SHANK2: variants seen among roughly 807,000 people sequenced by gnomAD.
SHANK2 encodes SH3 and multiple ankyrin repeat domains 2.
A neutral mutation model predicts 133.7 loss-of-function variants in SHANK2; 43 were observed. The ratio of observed to expected loss-of-function variants is 0.32; its 90% CI spans 0.25 to 0.41. SHANK2 has a LOEUF of 0.41. SHANK2 is among the 10% of genes least tolerant of loss of function. The pLI is 1.00. For missense variants in SHANK2, 1,994 were observed against 2,235.8 expected (o/e 0.89, Z 2.18); for synonymous variants, 1,017 against 952.8 (o/e 1.07, Z -1.24).
intron 11 of SHANK2, among the ~76,000 whole-genome samples, chr11:70,883,252 A>G (rs1166293560): frequency 6.6e-6 from 1 of 152,222 alleles, no homozygotes. Flanking sequence ...CACAGGAGCT[A>G]TTTTTGCTGC....
chr11:70,672,813 T>C (rs1944839124), intron 15 of SHANK2, among the ~76,000 whole-genome samples: 1 of 152,202 alleles, frequency 6.6e-6, no homozygotes, highest in Non-Finnish European at 1.5e-5. Context: ...CAGCCTTGGA[T>C]GGTGCCAGCC....
intron 1 of SHANK2, among the ~76,000 whole-genome samples, chr11:71,246,064 C>G (rs534206732): frequency 6.6e-6 from 1 of 152,054 alleles, no homozygotes; most frequent in African/African-American, 2.4e-5. Flanking sequence ...GAAGCATCCC[C>G]CTCCACTCCC....
At chr11:70,833,273 C>G (rs997513395) in intron 11 of SHANK2, among the ~76,000 whole-genome samples, 2 of 150,158 alleles carry the variant, frequency 1.3e-5, no homozygotes, top group Admixed American at 6.6e-5. Flanking sequence ...GACGCCCCGA[C>G]TGGCCACCCC....
chr11:70,872,540 G>A (rs1949485591), intron 11 of SHANK2, among the ~76,000 whole-genome samples: 1 of 151,980 alleles, frequency 6.6e-6, no homozygotes, highest in South Asian at 2.1e-4. Context: ...ACGACCAAGT[G>A]GCTGGATGGA....
At chr11:71,155,111 C>T (rs1359389001) in intron 2 of SHANK2, among the ~76,000 whole-genome samples, 3 of 121,194 alleles carry the variant, frequency 2.5e-5, no homozygotes, top group Non-Finnish European at 3.4e-5. Flanking sequence ...CCCACGCTCC[C>T]GGAGGAGGGG....
rs370821558 is a variant in SHANK2 at position 71,093,849 on chromosome 11, C to T, written c.744+688G>A. On this transcript the variant is annotated intron_variant, in intron 7 of 25. Coordinates refer to ENST00000601538, the MANE Select transcript of SHANK2 (RefSeq NM_012309.5). ...GAGACTTTAGGGACAGCGAGGCCCC[C>T]GTCTTGGGGGTCAACCTGCAGCGGC... 6.6e-5 allele frequency among the ~76,000 whole-genome samples: 10 copies of T among 152,206 alleles called. No individual in the cohort carries two copies. In the East Asian group the frequency reaches 1.2e-3, roughly 18 times the overall value.
chr11:70,625,153 G>C (rs2136479410), intron 17 of SHANK2, among the ~76,000 whole-genome samples: 3 of 152,300 alleles, frequency 2.0e-5, no homozygotes, highest in Middle Eastern at 6.8e-3. Flanking sequence ...GGCGTGGGGG[G>C]CAGAGTCCAG....
chr11:71,206,523 ATCGCACTATTC>A (rs1359605285), intron 2 of SHANK2, among the ~76,000 whole-genome samples: 1 of 152,192 alleles, frequency 6.6e-6, no homozygotes, highest in Non-Finnish European at 1.5e-5. Flanking sequence ...ACGCAGAGAG[ATCGCACTATTC>A]TCATATCCAC....
intron 21 of SHANK2, among the ~76,000 whole-genome samples, chr11:70,495,281 T>C (rs1356025033): frequency 1.3e-5 from 2 of 152,200 alleles, no homozygotes; most frequent in East Asian, 3.9e-4. Flanking sequence ...CCAAGGAGCC[T>C]TTCCCCTCCC....
intron 11 of SHANK2, among the ~76,000 whole-genome samples, chr11:70,892,767 G>A (rs1327705468): frequency 4.6e-5 from 7 of 152,116 alleles, no homozygotes; most frequent in African/African-American, 1.7e-4. Flanking sequence ...AATCCCTGAT[G>A]GGGGTCTTGG....
chr11:70,885,673 T>G (rs1313581541), intron 11 of SHANK2, among the ~76,000 whole-genome samples: 1 of 152,306 alleles, frequency 6.6e-6, no homozygotes, highest in Non-Finnish European at 1.5e-5. Flanking sequence ...CCGGCCTCAC[T>G]GTCACTGCAG....
At position 70,469,710 on chromosome 11, in the gene SHANK2, T is replaced by G. The variant is rs1189432896; in HGVS notation, c.*3159A>C. 6.6e-6 allele frequency: 1 copy of G among 152,664 alleles called. No homozygotes were observed. The highest frequency in any genetic ancestry group is 1.5e-5 in the Non-Finnish European group (1 of 68,044). The allele number at this position is 152,664 out of a possible 1,614,324, so 9.5% of individuals were successfully genotyped here. On this transcript the variant is annotated 3_prime_UTR_variant, in exon 26 of 26. Coordinates refer to ENST00000601538, the MANE Select transcript of SHANK2 (RefSeq NM_012309.5). ...CACAAAAAGTCATTGCCAGATCAAC[T>G]GGATAATGCTTGCTTGTTCAATAAC...
chr11:71,138,093 C>T (rs548838539), intron 3 of SHANK2, among the ~76,000 whole-genome samples: 12 of 148,696 alleles, frequency 8.1e-5, no homozygotes, highest in South Asian at 4.4e-4. Context: ...GCAAAGCACC[C>T]GAACACAGCT....
intron 21 of SHANK2, among the ~76,000 whole-genome samples, chr11:70,499,599 C>T (rs1396952940): frequency 1.3e-5 from 2 of 152,176 alleles, no homozygotes; most frequent in Non-Finnish European, 2.9e-5. Context: ...TGGGGTTTGG[C>T]CTTGGATTGA....
intron 15 of SHANK2, among the ~76,000 whole-genome samples, chr11:70,689,002 G>A (rs1945216107): frequency 6.6e-6 from 1 of 152,230 alleles, no homozygotes; most frequent in Admixed American, 6.5e-5. Flanking sequence ...CCAGGAGCAT[G>A]TCTCTAAGCC....
intron 17 of SHANK2, among the ~76,000 whole-genome samples, chr11:70,568,972 C>T (rs139735229): frequency 1.3e-5 from 2 of 152,250 alleles, no homozygotes; most frequent in South Asian, 2.1e-4. Flanking sequence ...CATCCACGTC[C>T]GAGGGACTGC....
chr11:70,785,617 G>A (rs1555046295), intron 14 of SHANK2, among the ~76,000 whole-genome samples: 1 of 152,192 alleles, frequency 6.6e-6, no homozygotes, highest in Non-Finnish European at 1.5e-5. Context: ...GGCTGGGCAG[G>A]GCCTGTCAGT....
At chr11:70,924,983 G>A (rs1950407314) in intron 10 of SHANK2, among the ~76,000 whole-genome samples, 1 of 152,114 alleles carries the variant, frequency 6.6e-6, no homozygotes, top group African/African-American at 2.4e-5. Flanking sequence ...CTCACAGGGG[G>A]GCAGATTGAG....
intron 17 of SHANK2, among the ~76,000 whole-genome samples, chr11:70,581,645 C>T (rs930946322): frequency 6.6e-6 from 1 of 152,186 alleles, no homozygotes; most frequent in African/African-American, 2.4e-5. Context: ...GAGCTGAGAT[C>T]GTGCCACTGC....
Sources: allele counts gnomAD v4.1 joint callset (sites outside exome capture counted in the v4.1 genomes callset), GRCh38; gene constraint gnomAD v4.1.1; transcripts MANE v1.5; gene names NCBI Gene and HGNC (gene_info 2026-07-23, HGNC 2026-07-21).